The following CEBPA variants were observed in gnomAD, a reference collection of about 807,000 sequenced individuals.
CEBPA encodes the protein CCAAT enhancer binding protein alpha.
In CEBPA, 2 loss-of-function variants were observed where a neutral mutation model predicts 5.1. The observed-to-expected ratio is 0.39, with a 90% CI of 0.16 to 1.23. CEBPA has a LOEUF of 1.23. Ranked by LOEUF, CEBPA falls within the 50% of genes most tolerant of loss-of-function variation. CEBPA has a pLI of 0.34. For missense variants in CEBPA, 455 were observed against 537.4 expected (o/e 0.85, Z 1.52); for synonymous variants, 275 against 264.1 (o/e 1.04, Z -0.40).
At position 33,302,286 on chromosome 19, in the gene CEBPA, G is replaced by A. The variant is rs1060504476; in HGVS notation, c.129C>T (p.Pro43=). ...FPRGAGPAQP[P]APPAAPEPLG... ...GCGGCTCCGGGGCGGCAGGTGGGGC[G>A]GGAGGCTGCGCGGGGCCCGCGCCCC... Residue 43 remains proline (P), a synonymous_variant, in exon 1 of 1, where the codon CCC becomes CCT. Coordinates refer to ENST00000498907, the MANE Select transcript of CEBPA (RefSeq NM_004364.5). 4.1e-6 allele frequency: 6 copies of A among 1,475,360 alleles called. No homozygotes were observed. Among genetic ancestry groups the A allele is most frequent in the Non-Finnish European group, 4.5e-6 (5 of 1,108,746 alleles). 91.4% of individuals were successfully genotyped at this position (1,475,360 alleles called of 1,614,324 possible).
Position 33,301,773 on chromosome 19 carries a change from G to C in CEBPA, c.642C>G (p.Gly214=). 2.5e-6 allele frequency: 3 copies of C among 1,205,754 alleles called. No homozygotes were observed. Among genetic ancestry groups the C allele is most frequent in the Non-Finnish European group, 3.1e-6 (3 of 970,772 alleles). 74.7% of individuals were successfully genotyped at this position (1,205,754 alleles called of 1,614,324 possible). The change falls in exon 1 of 1, where the codon GGC becomes GGG. Residue 214 remains glycine, a synonymous_variant. Coordinates refer to ENST00000498907, the MANE Select transcript of CEBPA (RefSeq NM_004364.5). The surrounding 1 kb of genome is among the most constrained non-coding windows in gnomAD (Gnocchi z 6.0). ...PHLQFQIAHC[G]QTTMHLQPGH... ...CGGGCTGCAGGTGCATGGTGGTCTG[G>C]CCGCAGTGCGCGATCTGGAACTGCA...
In CEBPA at chr19:33,301,647, C is replaced by G; in HGVS notation, c.768G>C (p.Leu256=). 3 of 1,538,436 alleles carry G rather than the reference C, an allele frequency of 2.0e-6. No individual in the cohort carries two copies. Among genetic ancestry groups the G allele is most frequent in the Non-Finnish European group, 2.6e-6 (3 of 1,145,898 alleles). Residue 256 remains leucine, a synonymous_variant, in exon 1 of 1, where the codon CTG becomes CTC. Transcript: ENST00000498907. This position sits in a 1 kb window ranked among gnomAD's most constrained non-coding sequence, Gnocchi z 6.0. ...CGCGGAGGTCGGGGTGCGCGGCGCC[C>G]AGCCCCTTGAGCGCGCTGCCAGGGC... ...LPGPGSALKG[L]GAAHPDLRAS...
Position 33,302,319 on chromosome 19 carries a change from G to T in CEBPA, c.96C>A (p.Gly32=). 3 of 1,398,532 alleles carry T rather than the reference G, an allele frequency of 2.1e-6. No individual in the cohort carries two copies. Among genetic ancestry groups the T allele is most frequent in the Non-Finnish European group, 2.8e-6 (3 of 1,073,502 alleles). The allele number at this position is 1,398,532 out of a possible 1,614,324, so 86.6% of individuals were successfully genotyped here. ...GCGCGGGGCCCGCGCCCCGGGGAAAGCCGAAGGCGGCGCTGCTGGGCGCGT... is the reference window on the plus strand; with the variant it reads ...GCGCGGGGCCCGCGCCCCGGGGAAATCCGAAGGCGGCGCTGCTGGGCGCGT... ...PPHAPSSAAF[G]FPRGAGPAQP... is the part of the protein sequence containing the mutation. The change falls in exon 1 of 1, where the codon GGC becomes GGA. Residue 32 remains glycine (G), a synonymous_variant. Coordinates refer to ENST00000498907, the MANE Select transcript of CEBPA (RefSeq NM_004364.5).
chr19:33,302,531 G>GT lies in CEBPA; in HGVS notation c.-118_-117insA. ...CCGCGCCCGCGCACCTCCGGGTCGC[G>GT]AATGGCCCGGCCCGCGCCGGCCCAG... On this transcript the variant is annotated 5_prime_UTR_variant, in exon 1 of 1. Transcript: ENST00000498907. 1 of 540,170 alleles carries GT rather than the reference G, an allele frequency of 1.9e-6. No homozygotes were observed. The highest frequency in any genetic ancestry group is 2.8e-6 in the Non-Finnish European group (1 of 362,756). The allele number at this position is 540,170 out of a possible 1,614,324, so 33.5% of individuals were successfully genotyped here.
chr19:33,301,916 C>A lies in CEBPA; in HGVS notation c.499G>T (p.Glu167Ter). Residue 167 changes from glutamate to a stop codon, truncating the protein, a stop_gained, in exon 1 of 1, where the codon GAG becomes TAG. Coordinates refer to ENST00000498907, the MANE Select transcript of CEBPA (RefSeq NM_004364.5). LOFTEE classifies it low-confidence loss of function (END_TRUNC). The surrounding 1 kb of genome is among the most constrained non-coding windows in gnomAD (Gnocchi z 6.0). ...PLVIKQEPRE[E>*]DEAKQLALAG... ...AGCGCCAGCTGCTTGGCTTCATCCT[C>A]CTCGCGGGGCTCCTGCTTGATCACC... 1 of 1,302,310 alleles carries A rather than the reference C, an allele frequency of 7.7e-7. No individual in the cohort carries two copies. Among genetic ancestry groups the A allele is most frequent in the Non-Finnish European group, 9.8e-7 (1 of 1,020,782 alleles). 80.7% of individuals were successfully genotyped at this position (1,302,310 alleles called of 1,614,324 possible). A position where few individuals can be genotyped will look rare whatever the true frequency, so the allele number is the denominator to read the frequency against.
Position 33,299,984 on chromosome 19 carries a change from T to A in CEBPA, c.*1354A>T, listed in dbSNP as rs945920899. 1.7e-5 allele frequency: 4 copies of A among 233,116 alleles called. No individual in the cohort carries two copies. Among genetic ancestry groups the A allele is most frequent in the Non-Finnish European group, 3.4e-5 (4 of 117,992 alleles). 14.4% of individuals were successfully genotyped at this position (233,116 alleles called of 1,614,324 possible). A position where few individuals can be genotyped will look rare whatever the true frequency, so the allele number is the denominator to read the frequency against. On this transcript the variant is annotated 3_prime_UTR_variant, in exon 1 of 1. Coordinates refer to ENST00000498907, the MANE Select transcript of CEBPA (RefSeq NM_004364.5). ...GATATAATACATAAAACATCTAGAG[T>A]GAGACTCTACGTTCTCCCCAAAAGA...
Position 33,301,248 on chromosome 19 carries a change from GCTCGGGCAAGCCTCGAGATCCGGCGACC to G in CEBPA, c.*62_*89del, listed in dbSNP as rs1207125859. ...GAATCTCCTAGTCCTGGCTCGCACG[GCTCGGGCAAGCCTCGAGATCCGGCGACC>G]CCAAACCACTCCCTGGGTCCCCGCC... is the stretch of plus-strand genomic sequence containing the variant. On this transcript the variant is annotated 3_prime_UTR_variant, in exon 1 of 1. Transcript: ENST00000498907. This position sits in a 1 kb window ranked among gnomAD's most constrained non-coding sequence, Gnocchi z 6.0. The G allele has an allele frequency of 6.8e-7, 1 of 1,480,730 alleles. No homozygotes were observed. The highest frequency in any genetic ancestry group is 8.9e-7 in the Non-Finnish European group (1 of 1,118,772). The allele number at this position is 1,480,730 out of a possible 1,614,324, so 91.7% of individuals were successfully genotyped here.
At position 33,302,086 on chromosome 19, in the gene CEBPA, C is replaced by CACCT; in HGVS notation, c.328_329insAGGT (p.Gly110GlufsTer61). On this transcript the variant is annotated frameshift_variant, in exon 1 of 1. Transcript: ENST00000498907. LOFTEE classifies it low-confidence loss of function (END_TRUNC). ...GGCGCCGCCGGGGCCCGCGGGCGCG[C>CACCT]CCGGGTAGTCAAAGTCGCCGCCGCC... 7.7e-7 allele frequency: 1 copy of CACCT among 1,294,506 alleles called. No individual in the cohort carries two copies. Among genetic ancestry groups the CACCT allele is most frequent in the South Asian group, 2.5e-5 (1 of 39,678 alleles). The allele number at this position is 1,294,506 out of a possible 1,614,324, so 80.2% of individuals were successfully genotyped here.
At position 33,301,040 on chromosome 19, in the gene CEBPA, G is replaced by A; in HGVS notation, c.*298C>T. 2.0e-6 allele frequency: 1 copy of A among 506,560 alleles called. No homozygotes were observed. The highest frequency in any genetic ancestry group is 3.6e-6 in the Non-Finnish European group (1 of 280,704). The allele number at this position is 506,560 out of a possible 1,614,324, so 31.4% of individuals were successfully genotyped here. ...CAGTAGGCATTGGAGCGGTGAGTTT[G>A]CATTTCCAAGGCACAAGGTTATCCT... On this transcript the variant is annotated 3_prime_UTR_variant, in exon 1 of 1. Coordinates refer to ENST00000498907, the MANE Select transcript of CEBPA (RefSeq NM_004364.5). The surrounding 1 kb of genome is among the most constrained non-coding windows in gnomAD (Gnocchi z 6.0).
In CEBPA at chr19:33,302,159, G is replaced by C; in HGVS notation, c.256C>G (p.Arg86Gly). Residue 86 changes from arginine to glycine, a missense_variant, in exon 1 of 1, where the codon CGG becomes GGG. Physicochemically the swap from Arg to Gly is moderately radical, Grantham distance 125. Around this residue, in one of 5 missense-constraint regions of CEBPA, gnomAD observed 143 missense variants for 153.9 expected, o/e 0.93. Coordinates refer to ENST00000498907, the MANE Select transcript of CEBPA (RefSeq NM_004364.5). ...GCCGCCTTGGCCTTCTCCTGCTGCC[G>C]GCTGTGCTGGAACAGGTCGGCCAGG... ...EFLADLFQHSRQQEKAKAAVG... is the reference protein window; with the variant it reads ...EFLADLFQHSGQQEKAKAAVG... The C allele has an allele frequency of 7.0e-7, 1 of 1,435,738 alleles. No homozygotes were observed. Among genetic ancestry groups the C allele is most frequent in the Non-Finnish European group, 9.2e-7 (1 of 1,084,946 alleles). The allele number at this position is 1,435,738 out of a possible 1,614,324, so 88.9% of individuals were successfully genotyped here.
rs1250168874 is a variant in CEBPA, at chr19:33,301,555, A to G, written c.860T>C (p.Val287Ala). 4.3e-6 allele frequency: 7 copies of G among 1,612,786 alleles called. No individual in the cohort carries two copies. In the Admixed American group the frequency reaches 1.2e-4, roughly 27 times the overall value. The part of the protein sequence containing the change: ...SVDKNSNEYR[V>A]RRERNNIAVR... Reference sequence around the variant, plus strand: ...CGCGATGTTGTTGCGCTCGCGCCGCACCCGGTACTCGTTGCTGTTCTTGTC... The same window carrying G: ...CGCGATGTTGTTGCGCTCGCGCCGCGCCCGGTACTCGTTGCTGTTCTTGTC... Residue 287 changes from valine to alanine, a missense_variant, in exon 1 of 1, where the codon GTG becomes GCG. Physicochemically the swap from Val to Ala is moderately conservative, Grantham distance 64. Around this residue, in one of 5 missense-constraint regions of CEBPA, gnomAD observed 118 missense variants for 189.3 expected, o/e 0.62. Coordinates refer to ENST00000498907, the MANE Select transcript of CEBPA (RefSeq NM_004364.5). The surrounding 1 kb of genome is among the most constrained non-coding windows in gnomAD (Gnocchi z 6.0).
In CEBPA at chr19:33,301,452, A is replaced by G. The variant is rs2145258662; in HGVS notation, c.963T>C (p.Asn321=). 1 of 1,613,048 alleles carries G rather than the reference A, an allele frequency of 6.2e-7. No homozygotes were observed. Among genetic ancestry groups the G allele is most frequent in the Non-Finnish European group, 8.5e-7 (1 of 1,179,812 alleles). The change falls in exon 1 of 1, where the codon AAT becomes AAC. Residue 321 remains asparagine, a synonymous_variant. Transcript: ENST00000498907. This position sits in a 1 kb window ranked among gnomAD's most constrained non-coding sequence, Gnocchi z 6.0. ...QQKVLELTSD[N]DRLRKRVEQL... Reference sequence around the variant, plus strand: ...GTTCCACCCGCTTGCGCAGGCGGTCATTGTCACTGGTCAGCTCCAGCACCT... The same window carrying G: ...GTTCCACCCGCTTGCGCAGGCGGTCGTTGTCACTGGTCAGCTCCAGCACCT...
rs1182161658 is a variant in CEBPA at position 33,302,276 on chromosome 19, C to T, written c.139G>A (p.Ala47Thr). The change falls in exon 1 of 1, where the codon GCC becomes ACC. Residue 47 changes from alanine (A) to threonine (T), a missense_variant. Ala to Thr is a moderately conservative substitution (Grantham distance 58). This residue lies in a region of CEBPA where 143 missense variants were observed against 153.9 expected (regional missense o/e 0.93). Transcript: ENST00000498907. Reference sequence around the variant, plus strand: ...ATGCCGCCCAGCGGCTCCGGGGCGGCAGGTGGGGCGGGAGGCTGCGCGGGG... The same window carrying T: ...ATGCCGCCCAGCGGCTCCGGGGCGGTAGGTGGGGCGGGAGGCTGCGCGGGG... ...AGPAQPPAPP[A>T]APEPLGGICE... The T allele has an allele frequency of 6.7e-7, 1 of 1,484,420 alleles. No homozygotes were observed. Among genetic ancestry groups the T allele is most frequent in the South Asian group, 1.3e-5 (1 of 77,338 alleles). The allele number at this position is 1,484,420 out of a possible 1,614,324, so 92.0% of individuals were successfully genotyped here. A position where few individuals can be genotyped will look rare whatever the true frequency, so the allele number is the denominator to read the frequency against.
rs1477339090 is a variant in CEBPA, at chr19:33,300,255, G to A, written c.*1083C>T. On this transcript the variant is annotated 3_prime_UTR_variant, in exon 1 of 1. Transcript: ENST00000498907. Reference sequence around the variant, plus strand: ...GACCCTTCCCCCAGCTGCCGACGGAGAGTCTCATTTTGGCAAGTATCCGAG... The same window carrying A: ...GACCCTTCCCCCAGCTGCCGACGGAAAGTCTCATTTTGGCAAGTATCCGAG... The A allele has an allele frequency of 4.3e-6, 1 of 233,640 alleles. No individual in the cohort carries two copies. Among genetic ancestry groups the A allele is most frequent in the Non-Finnish European group, 8.5e-6 (1 of 118,094 alleles). 14.5% of individuals were successfully genotyped at this position (233,640 alleles called of 1,614,324 possible). A position where few individuals can be genotyped will look rare whatever the true frequency, so the allele number is the denominator to read the frequency against.
chr19:33,300,220 G>C lies in CEBPA; in HGVS notation c.*1118C>G, dbSNP rs976692045. 4.3e-6 allele frequency: 1 copy of C among 233,552 alleles called. No homozygotes were observed. The highest frequency in any genetic ancestry group is 8.5e-6 in the Non-Finnish European group (1 of 118,072). The allele number at this position is 233,552 out of a possible 1,614,324, so 14.5% of individuals were successfully genotyped here. A position where few individuals can be genotyped will look rare whatever the true frequency, so the allele number is the denominator to read the frequency against. ...AAGTAATCCCAAAACCAAAAGGAAA[G>C]GGAGTCTCAGACCCTTCCCCCAGCT... On this transcript the variant is annotated 3_prime_UTR_variant, in exon 1 of 1. Transcript: ENST00000498907.
chr19:33,300,645 A>G lies in CEBPA; in HGVS notation c.*693T>C, dbSNP rs1240079452. On this transcript the variant is annotated 3_prime_UTR_variant, in exon 1 of 1. Transcript: ENST00000498907. ...GGTGTGACTCGGGGTGGGGGCTCCC[A>G]CTGGTCACCTGGTGACCCCCATCGC... 2 of 233,388 alleles carry G rather than the reference A, an allele frequency of 8.6e-6. No homozygotes were observed. The highest frequency in any genetic ancestry group is 1.7e-5 in the Non-Finnish European group (2 of 118,132). The allele number at this position is 233,388 out of a possible 1,614,324, so 14.5% of individuals were successfully genotyped here.
rs1967204111 is a variant in CEBPA at position 33,302,383 on chromosome 19, G to A, written c.32C>T (p.Pro11Leu). MESADFYEAE[P>L]RPPMSSHLQS... The stretch of plus-strand genomic sequence containing the variant: ...CAGGTGGCTGCTCATCGGGGGCCGC[G>A]GCTCCGCCTCGTAGAAGTCGGCCGA... The change falls in exon 1 of 1, where the codon CCG becomes CTG. Residue 11 changes from proline (P) to leucine (L), a missense_variant. Coordinates refer to ENST00000498907, the MANE Select transcript of CEBPA (RefSeq NM_004364.5). 8 of 1,303,874 alleles carry A rather than the reference G, an allele frequency of 6.1e-6. No homozygotes were observed. The highest frequency in any genetic ancestry group is 2.5e-5 in the South Asian group (1 of 39,412). The allele number at this position is 1,303,874 out of a possible 1,614,324, so 80.8% of individuals were successfully genotyped here.
Position 33,301,825 on chromosome 19 carries a change from G to GGCGGGTGCGGGT in CEBPA, c.578_589dup (p.His193_Pro196dup), listed in dbSNP as rs762459325. ...GTGCGGGGCGGCCAGGTGCGCGGGC[G>GGCGGGTGCGGGT]GCGGGTGCGGGTGCGGGTGCGAGGG... is the stretch of plus-strand genomic sequence containing the variant. On this transcript the variant is annotated inframe_insertion, in exon 1 of 1. Coordinates refer to ENST00000498907, the MANE Select transcript of CEBPA (RefSeq NM_004364.5). The surrounding 1 kb of genome is among the most constrained non-coding windows in gnomAD (Gnocchi z 6.0). The GGCGGGTGCGGGT allele has an allele frequency of 7.1e-6, 9 of 1,263,760 alleles. No homozygotes were observed. The East Asian group carries it at 2.1e-4, about 29-fold the overall frequency. The allele number at this position is 1,263,760 out of a possible 1,614,324, so 78.3% of individuals were successfully genotyped here.
In CEBPA at chr19:33,302,041, T is replaced by G. The variant is rs2145262574; in HGVS notation, c.374A>C (p.His125Pro). 4.2e-6 allele frequency: 5 copies of G among 1,187,816 alleles called. No homozygotes were observed. The allele number at this position is 1,187,816 out of a possible 1,614,324, so 73.6% of individuals were successfully genotyped here. Residue 125 changes from histidine (H) to proline (P), a missense_variant, in exon 1 of 1, where the codon CAC becomes CCC. Coordinates refer to ENST00000498907, the MANE Select transcript of CEBPA (RefSeq NM_004364.5). Reference protein sequence around the residue: ...PGGAVMPGGAHGPPPGYGCAA... With the variant: ...PGGAVMPGGAPGPPPGYGCAA... ...GCAGCCGTAGCCGGGCGGGGGCCCG[T>G]GCGCTCCCCCGGGCATGACGGCGCC... is the stretch of plus-strand genomic sequence containing the variant.
Sources: allele counts gnomAD v4.1 joint callset, GRCh38; gene constraint gnomAD v4.1.1; regional missense constraint gnomAD v4.1.1; non-coding constraint Gnocchi (gnomAD v3.1); transcripts MANE v1.5; gene names NCBI Gene and HGNC (gene_info 2026-07-23, HGNC 2026-07-21).